Variants in ZNF644 observed in about 807,000 individuals in gnomAD.
ZNF644 encodes zinc finger protein 644, also known as zinc finger motif enhancer binding protein 2.
ZNF644 carries 20 observed loss-of-function variants against 108.0 expected under a neutral mutation model. The observed-to-expected ratio is 0.19, with a 90% CI of 0.13 to 0.27. ZNF644 has a LOEUF of 0.27. Ranked by LOEUF, ZNF644 falls within the 10% of genes least tolerant of loss-of-function variation. The pLI, the probability that ZNF644 is intolerant of heterozygous loss-of-function variation, is 1.00. For missense variants in ZNF644, 1,338 were observed against 1,548.9 expected (o/e 0.86, Z 2.29); for synonymous variants, 542 against 539.1 (o/e 1.01, Z -0.08).
intron 1 of ZNF644, 30 bp downstream of exon 1, chr1:91,021,960 G>A: frequency 2.5e-6 from 1 of 398,822 alleles, no homozygotes; most frequent in South Asian, 1.3e-4. Context: ...GGGTCCCAGC[G>A]AATCTGACCA....
At chr1:90,990,893 C>T (rs1430053630) in intron 1 of ZNF644, among the ~76,000 whole-genome samples, 1 of 152,070 alleles carries the variant, frequency 6.6e-6, no homozygotes, top group East Asian at 1.9e-4. Flanking sequence ...AAGAGACAGA[C>T]CCCCAAAAAG....
At chr1:90,970,298 A>C (rs1188020583) in intron 2 of ZNF644, among the ~76,000 whole-genome samples, 1 of 152,204 alleles carries the variant, frequency 6.6e-6, no homozygotes, top group African/African-American at 2.4e-5. Context: ...GATCTTAATC[A>C]AAATAAATTG....
At chr1:90,925,443 C>T (rs1438913957) in intron 4 of ZNF644, among the ~76,000 whole-genome samples, 1 of 151,968 alleles carries the variant, frequency 6.6e-6, no homozygotes, top group Non-Finnish European at 1.5e-5. Context: ...AACCTATGCT[C>T]CCAGGTGGCC....
intron 1 of ZNF644, among the ~76,000 whole-genome samples, chr1:90,987,471 C>T (rs1012101233): frequency 5.9e-5 from 9 of 151,448 alleles, no homozygotes; most frequent in African/African-American, 1.5e-4. Context: ...CCTAGCAAAA[C>T]GAGGACATGA....
At chr1:90,994,720 G>A (rs1048091507) in intron 1 of ZNF644, among the ~76,000 whole-genome samples, 1 of 152,194 alleles carries the variant, frequency 6.6e-6, no homozygotes, top group Non-Finnish European at 1.5e-5. Context: ...AAGGTTAGAA[G>A]CTCTGTAGAA....
chr1:90,957,934 C>A (rs1010909552), intron 2 of ZNF644, among the ~76,000 whole-genome samples: 3 of 152,114 alleles, frequency 2.0e-5, no homozygotes, highest in Non-Finnish European at 4.4e-5. Context: ...TTTGCAAGCA[C>A]AACAGCAACA....
intron 2 of ZNF644, among the ~76,000 whole-genome samples, chr1:90,970,998 CAAAAAAA>C (rs61253802): frequency 8.6e-5 from 8 of 92,858 alleles, no homozygotes; most frequent in Admixed American, 2.6e-4. Context: ...GACTCCATTT[CAAAAAAA>C]AAAAAAAAAA....
At chr1:90,973,907 A>G (rs1655747859) in intron 2 of ZNF644, among the ~76,000 whole-genome samples, 1 of 152,158 alleles carries the variant, frequency 6.6e-6, no homozygotes, top group South Asian at 2.1e-4. Flanking sequence ...GGCATTTGAG[A>G]AAACAGCAGA....
chr1:90,997,154 TG>T (rs1275771318), intron 1 of ZNF644, among the ~76,000 whole-genome samples: 1 of 152,160 alleles, frequency 6.6e-6, no homozygotes, highest in East Asian at 1.9e-4. Flanking sequence ...GAGAGCCACA[TG>T]TACAGAAAGG....
intron 1 of ZNF644, among the ~76,000 whole-genome samples, chr1:91,000,720 C>T (rs192850643): frequency 1.5e-4 from 23 of 152,176 alleles, no homozygotes; most frequent in Admixed American, 1.3e-3. Flanking sequence ...ACAAAACACC[C>T]TTCAAAAAAA....
chr1:91,013,456 CACACACACACACACACACACACACACAT>C (rs1395321247), intron 1 of ZNF644, among the ~76,000 whole-genome samples: 2 of 47,760 alleles, frequency 4.2e-5, no homozygotes, highest in Non-Finnish European at 1.5e-4. Flanking sequence ...CTCTCTCACA[CACACACACACACACACACACACACACAT>C]ACACACACAC....
rs1457584876 is a variant in ZNF644, at chr1:90,982,364, A to T, written c.-11T>A. 1.9e-6 allele frequency: 3 copies of T among 1,610,104 alleles called. No individual in the cohort carries two copies. In the South Asian group the frequency reaches 3.3e-5, roughly 18 times the overall value. Reference sequence around the variant, plus strand: ...CAAGAACGATCTCATCCAAAATTAAATCAAACCTGAAAGAAATACACACAA... The same window carrying T: ...CAAGAACGATCTCATCCAAAATTAATTCAAACCTGAAAGAAATACACACAA... On this transcript the variant is annotated 5_prime_UTR_variant, in exon 2 of 6. Transcript: ENST00000337393.
chr1:90,997,181 A>C (rs1467341882), intron 1 of ZNF644, among the ~76,000 whole-genome samples: 1 of 152,182 alleles, frequency 6.6e-6, no homozygotes, highest in Non-Finnish European at 1.5e-5. Flanking sequence ...ATACACGCCC[A>C]GGAAAGACCT....
At chr1:90,985,634 A>AT (rs1657015151) in intron 1 of ZNF644, among the ~76,000 whole-genome samples, 1 of 152,118 alleles carries the variant, frequency 6.6e-6, no homozygotes, top group African/African-American at 2.4e-5. Flanking sequence ...AAATAACAGA[A>AT]TTTTTTTCTG....
intron 2 of ZNF644, among the ~76,000 whole-genome samples, chr1:90,953,930 A>AAAAT: frequency 6.6e-6 from 1 of 152,140 alleles, no homozygotes; most frequent in South Asian, 2.1e-4. Context: ...AACAACAACA[A>AAAAT]AAATAAATAA....
chr1:90,927,372 T>C (rs887677527), intron 4 of ZNF644, among the ~76,000 whole-genome samples: 1 of 152,358 alleles, frequency 6.6e-6, no homozygotes, highest in African/African-American at 2.4e-5. Flanking sequence ...ATCATTTTTT[T>C]GTATGGTGGA....
intron 1 of ZNF644, among the ~76,000 whole-genome samples, chr1:90,983,038 A>G (rs183500360): frequency 1.3e-5 from 2 of 152,230 alleles, no homozygotes; most frequent in Admixed American, 6.5e-5. Context: ...TAATTTTACC[A>G]TATTTCAGAA....
chr1:90,943,906 T>C (rs960610661), intron 2 of ZNF644, among the ~76,000 whole-genome samples: 15 of 152,218 alleles, frequency 9.9e-5, no homozygotes, highest in African/African-American at 2.9e-4. Context: ...AACGCTTCAA[T>C]AGCAACAATC....
At chr1:90,998,538 C>G (rs1302023760) in intron 1 of ZNF644, among the ~76,000 whole-genome samples, 1 of 152,194 alleles carries the variant, frequency 6.6e-6, no homozygotes, top group African/African-American at 2.4e-5. Context: ...CGCCAAAACC[C>G]CATCTCTACG....
Sources: gnomAD v4.1 joint callset for allele counts (sites outside exome capture counted in the v4.1 genomes callset) on GRCh38, gnomAD v4.1.1 for gene constraint, MANE v1.5 for transcripts, NCBI Gene and HGNC (gene_info 2026-07-23, HGNC 2026-07-21) for gene names.